The following NBEA variants were observed in gnomAD, a reference collection of about 807,000 sequenced individuals.
The protein encoded by NBEA is neurobeachin, also known as lysosomal-trafficking regulator 2.
NBEA carries 44 observed loss-of-function variants against 343.4 expected under a neutral mutation model. That is an observed-to-expected ratio of 0.13 (90% CI 0.10 to 0.16). NBEA has a LOEUF of 0.16. NBEA is among the 10% of genes least tolerant of loss of function. The pLI, the probability that NBEA is intolerant of heterozygous loss-of-function variation, is 1.00. For missense variants in NBEA, 2,555 were observed against 3,631.3 expected (o/e 0.70, Z 7.62); for synonymous variants, 1,175 against 1,238.7 (o/e 0.95, Z 1.08).
intron 38 of NBEA, among the ~76,000 whole-genome samples, chr13:35,385,121 T>C (rs1279166684): frequency 6.6e-6 from 1 of 152,214 alleles, no homozygotes; most frequent in Admixed American, 6.5e-5. Flanking sequence ...TTTTAGTCTC[T>C]GCTGCATTAA....
At chr13:35,055,116 T>C (rs2063205909) in intron 6 of NBEA, among the ~76,000 whole-genome samples, 1 of 152,170 alleles carries the variant, frequency 6.6e-6, no homozygotes, top group African/African-American at 2.4e-5. Context: ...ACAAAGTTTG[T>C]ATTTTATATT....
At chr13:35,369,488 A>G (rs938373237) in intron 38 of NBEA, among the ~76,000 whole-genome samples, 8 of 151,808 alleles carry the variant, frequency 5.3e-5, no homozygotes, top group African/African-American at 1.9e-4. Context: ...ATATGATGAT[A>G]TTAACAATGT....
chr13:35,198,513 AG>A (rs1593711246), intron 31 of NBEA, among the ~76,000 whole-genome samples: 1 of 152,198 alleles, frequency 6.6e-6, no homozygotes, highest in East Asian at 1.9e-4. Flanking sequence ...TAATATTCTT[AG>A]CTACTCAAAA....
At chr13:35,025,056 A>G (rs1050004339) in intron 1 of NBEA, among the ~76,000 whole-genome samples, 1 of 152,084 alleles carries the variant, frequency 6.6e-6, no homozygotes, top group African/African-American at 2.4e-5. Flanking sequence ...CATATTTCTT[A>G]TAGATTCTAG....
At chr13:35,507,846 C>G (rs967172065) in intron 41 of NBEA, among the ~76,000 whole-genome samples, 1 of 152,088 alleles carries the variant, frequency 6.6e-6, no homozygotes, top group African/African-American at 2.4e-5. Context: ...TTGCTCTATC[C>G]CTTTTCCATC....
chr13:35,308,222 G>GT (rs1310222080), intron 35 of NBEA, among the ~76,000 whole-genome samples: 2 of 151,346 alleles, frequency 1.3e-5, no homozygotes, highest in African/African-American at 4.8e-5. Flanking sequence ...CAGAGACTGT[G>GT]TTTTTTGTGA....
intron 45 of NBEA, among the ~76,000 whole-genome samples, chr13:35,579,073 G>C (rs529371984): frequency 3.9e-5 from 6 of 152,158 alleles, no homozygotes; most frequent in African/African-American, 1.4e-4. Flanking sequence ...TTTTGGATTA[G>C]GGATGCTCAA....
At chr13:35,093,506 C>G (rs1236801296) in intron 10 of NBEA, among the ~76,000 whole-genome samples, 1 of 151,728 alleles carries the variant, frequency 6.6e-6, no homozygotes, top group Non-Finnish European at 1.5e-5. Context: ...TATGTTAATC[C>G]TATTTCTCTT....
At chr13:35,393,119 C>A (rs887564410) in intron 38 of NBEA, among the ~76,000 whole-genome samples, 1 of 152,048 alleles carries the variant, frequency 6.6e-6, no homozygotes, top group African/African-American at 2.4e-5. Flanking sequence ...TGTATTTAAT[C>A]AATATAATTT....
intron 16 of NBEA, among the ~76,000 whole-genome samples, chr13:35,118,751 G>A (rs1481443731): frequency 4.0e-5 from 6 of 151,734 alleles, no homozygotes; most frequent in South Asian, 2.1e-4. Context: ...AAGAAGACAC[G>A]AAAAAGCAAG....
intron 30 of NBEA, among the ~76,000 whole-genome samples, chr13:35,193,687 T>C (rs1028915219): frequency 1.3e-5 from 2 of 151,954 alleles, no homozygotes; most frequent in African/African-American, 4.8e-5. Flanking sequence ...AATGCAGTTA[T>C]TTTAATTTTT....
At chr13:34,980,956 G>A (rs921827625) in intron 1 of NBEA, among the ~76,000 whole-genome samples, 1 of 151,986 alleles carries the variant, frequency 6.6e-6, no homozygotes, top group African/African-American at 2.4e-5. Flanking sequence ...TAAAATTCAC[G>A]TGTTTTTAGC....
chr13:35,356,447 T>C (rs535283402), intron 38 of NBEA, among the ~76,000 whole-genome samples: 1 of 152,312 alleles, frequency 6.6e-6, no homozygotes, highest in Admixed American at 6.5e-5. Flanking sequence ...CTATATATTA[T>C]ACAGTGTACG....
At chr13:35,611,953 T>C (rs1242485633) in intron 48 of NBEA, among the ~76,000 whole-genome samples, 1 of 152,200 alleles carries the variant, frequency 6.6e-6, no homozygotes, top group African/African-American at 2.4e-5. Flanking sequence ...GGTCATATGG[T>C]AAATTTATGT....
At chr13:35,348,608 C>T (rs1387428239) in intron 36 of NBEA, among the ~76,000 whole-genome samples, 1 of 152,018 alleles carries the variant, frequency 6.6e-6, no homozygotes, top group Non-Finnish European at 1.5e-5. Context: ...TTAGTCCTAT[C>T]ATCTGCATTA....
Position 34,942,398 on chromosome 13 carries a change from G to A in NBEA, c.-423G>A, listed in dbSNP as rs1298483125. On this transcript the variant is annotated 5_prime_UTR_variant, in exon 1 of 59. Transcript: ENST00000379939. ...GTCAATAGCATCGGCCACAGCCTGA[G>A]CTTCAGCACCGGCCAGCGTCGTGGC... 1 of 154,966 alleles carries A rather than the reference G, an allele frequency of 6.5e-6. No homozygotes were observed. The highest frequency in any genetic ancestry group is 2.4e-5 in the African/African-American group (1 of 41,538). 9.6% of individuals were successfully genotyped at this position (154,966 alleles called of 1,614,324 possible). A position where few individuals can be genotyped will look rare whatever the true frequency, so the allele number is the denominator to read the frequency against.
At chr13:34,979,571 CTT>C (rs1410381113) in intron 1 of NBEA, among the ~76,000 whole-genome samples, 1 of 151,822 alleles carries the variant, frequency 6.6e-6, no homozygotes, top group Non-Finnish European at 1.5e-5. Flanking sequence ...CTATTCAAAT[CTT>C]TTGCCAATTT....
At chr13:35,051,357 C>G (rs1011543848) in intron 6 of NBEA, among the ~76,000 whole-genome samples, 5 of 151,192 alleles carry the variant, frequency 3.3e-5, no homozygotes, top group Non-Finnish European at 7.4e-5. Flanking sequence ...AGGGGGAGAT[C>G]TTTATTTCTT....
At chr13:35,532,917 C>A (rs550841025) in intron 41 of NBEA, among the ~76,000 whole-genome samples, 18 of 151,870 alleles carry the variant, frequency 1.2e-4, no homozygotes, top group Non-Finnish European at 2.1e-4. Context: ...TCTAAATATT[C>A]ATGTGCATAG....
Sources: gnomAD v4.1 joint callset for allele counts (sites outside exome capture counted in the v4.1 genomes callset) on GRCh38, gnomAD v4.1.1 for gene constraint, MANE v1.5 for transcripts, NCBI Gene and HGNC (gene_info 2026-07-23, HGNC 2026-07-21) for gene names.